The following BCAS3 variants were observed in gnomAD, a reference collection of about 807,000 sequenced individuals.
The protein encoded by BCAS3 is BCAS3 microtubule associated cell migration factor.
Under a neutral mutation model 116.1 loss-of-function variants are expected in BCAS3, and 53 were observed. The observed-to-expected ratio is 0.46, with a 90% CI of 0.37 to 0.57. The LOEUF is 0.57. Among genes scored for constraint, BCAS3 ranks in the 20% least tolerant of loss-of-function variants. The pLI is 0.00. For missense variants in BCAS3, 917 were observed against 1,165.4 expected (o/e 0.79, Z 3.10); for synonymous variants, 391 against 408.2 (o/e 0.96, Z 0.51).
Position 61,203,026 on chromosome 17 carries a change from TGAA to T in BCAS3, c.2425+118467_2425+118469del, listed in dbSNP as rs1244943091. 1.3e-5 allele frequency among the ~76,000 whole-genome samples: 2 copies of T among 152,212 alleles called. No homozygotes were observed. The highest frequency in any genetic ancestry group is 2.4e-5 in the African/African-American group (1 of 41,452). On this transcript the variant is annotated intron_variant, in intron 22 of 23. Coordinates refer to ENST00000407086, the MANE Select transcript of BCAS3 (RefSeq NM_017679.5). The surrounding 1 kb of genome is among the most constrained non-coding windows in gnomAD (Gnocchi z 5.7). Reference sequence around the variant, plus strand: ...CTAATATTAAATTTTGTGTGGTTGCTGAAGAAGTTTACTGTGCACTAGCTCTCT... The same window carrying T: ...CTAATATTAAATTTTGTGTGGTTGCTGAAGTTTACTGTGCACTAGCTCTCT...
At position 60,859,383 on chromosome 17, in the gene BCAS3, C is replaced by CATGTGA. The variant is rs1286995029; in HGVS notation, c.477-9193_477-9192insATGTGA. Among the ~76,000 whole-genome samples, 3 of 151,972 alleles carry CATGTGA rather than the reference C, an allele frequency of 2.0e-5. No individual in the cohort carries two copies. The South Asian group carries it at 6.2e-4, about 32-fold the overall frequency. ...CAAGTAGGCCCCGGTGTCTGTTGTC[C>CATGTGA]CCTTCCTTGTGTCCATGTGAATTCA... On this transcript the variant is annotated intron_variant, in intron 7 of 23. Transcript: ENST00000407086.
intron 1 of BCAS3, among the ~76,000 whole-genome samples, chr17:60,678,995 G>A (rs2032514942): frequency 1.3e-5 from 2 of 152,126 alleles, no homozygotes; most frequent in Admixed American, 6.6e-5. Flanking sequence ...AGGCTAAGGC[G>A]GATGGATTGC....
chr17:60,802,347 TAC>T (rs954921009), intron 6 of BCAS3, among the ~76,000 whole-genome samples: 1 of 135,936 alleles, frequency 7.4e-6, no homozygotes, highest in African/African-American at 3.3e-5. Context: ...TAAATACAAA[TAC>T]ACACACATAC....
intron 22 of BCAS3, among the ~76,000 whole-genome samples, chr17:61,275,518 C>G (rs889368522): frequency 4.6e-5 from 7 of 151,584 alleles, no homozygotes; most frequent in African/African-American, 1.7e-4. Flanking sequence ...ATGTGCATTT[C>G]TCAGCCAGGA....
intron 19 of BCAS3, among the ~76,000 whole-genome samples, chr17:61,059,272 T>C (rs554005570): frequency 8.2e-4 from 124 of 151,646 alleles, no homozygotes; most frequent in Non-Finnish European, 1.6e-3. Flanking sequence ...TTAGTAGAGA[T>C]GGGGTTTCAC....
chr17:61,039,151 C>T (rs1424414693), intron 18 of BCAS3, among the ~76,000 whole-genome samples: 1 of 152,170 alleles, frequency 6.6e-6, no homozygotes, highest in Non-Finnish European at 1.5e-5. Context: ...CTTTCTTTCT[C>T]TATGGATTTT....
intron 4 of BCAS3, chr17:60,696,348 G>C (rs1299755876): frequency 3.9e-5 from 6 of 152,392 alleles, no homozygotes; most frequent in Non-Finnish European, 2.9e-5. Context: ...AGTCCCAGCT[G>C]CTCAGGAGGC....
In BCAS3 at chr17:61,309,310, G is replaced by A. The variant is rs1282863209; in HGVS notation, c.2426-59017G>A. 6.6e-6 allele frequency among the ~76,000 whole-genome samples: 1 copy of A among 152,132 alleles called. No homozygotes were observed. The highest frequency in any genetic ancestry group is 1.5e-5 in the Non-Finnish European group (1 of 68,014). On this transcript the variant is annotated intron_variant, in intron 22 of 23. Coordinates refer to ENST00000407086, the MANE Select transcript of BCAS3 (RefSeq NM_017679.5). The surrounding 1 kb of genome is among the most constrained non-coding windows in gnomAD (Gnocchi z 4.6). ...TTTCGTCCTCCCCATTCATTCTAGG[G>A]TAATAAGGGCTGGTGGAGAGGCGGT... is the stretch of plus-strand genomic sequence containing the variant.
At chr17:61,110,956 G>A (rs1228373082) in intron 22 of BCAS3, among the ~76,000 whole-genome samples, 1 of 152,142 alleles carries the variant, frequency 6.6e-6, no homozygotes, top group Non-Finnish European at 1.5e-5. Flanking sequence ...TAACTGGGAG[G>A]CACCCCCCAG....
At chr17:61,288,273 A>T (rs2052029925) in intron 22 of BCAS3, among the ~76,000 whole-genome samples, 1 of 152,180 alleles carries the variant, frequency 6.6e-6, no homozygotes, top group South Asian at 2.1e-4. Flanking sequence ...TGTGACCTTG[A>T]CTTGTCATCT....
At chr17:60,763,287 A>G (rs1598532973) in intron 6 of BCAS3, among the ~76,000 whole-genome samples, 1 of 152,130 alleles carries the variant, frequency 6.6e-6, no homozygotes, top group East Asian at 1.9e-4. Flanking sequence ...TTTCAAAGGG[A>G]ATGCTTCCAG....
rs994086693 is a variant in BCAS3 at position 61,377,192 on chromosome 17, G to A, written c.2593+8698G>A. On this transcript the variant is annotated intron_variant, in intron 23 of 23. Coordinates refer to ENST00000407086, the MANE Select transcript of BCAS3 (RefSeq NM_017679.5). The surrounding 1 kb of genome is among the most constrained non-coding windows in gnomAD (Gnocchi z 4.6). ...AAGCTGGAACTCCCCAGTGCCTAAT[G>A]CCCTGATTGCTGAGGGTGAGAGAAG... is the stretch of plus-strand genomic sequence containing the variant. Among the ~76,000 whole-genome samples the A allele has an allele frequency of 6.6e-6, 1 of 152,184 alleles. No homozygotes were observed. The highest frequency in any genetic ancestry group is 1.5e-5 in the Non-Finnish European group (1 of 68,036).
intron 5 of BCAS3, among the ~76,000 whole-genome samples, chr17:60,746,212 T>C (rs1035956708): frequency 4.6e-5 from 7 of 152,242 alleles, no homozygotes; most frequent in South Asian, 2.1e-4. Flanking sequence ...ATGAAAATGG[T>C]TTAAGAACTA....
chr17:61,338,013 C>CA (rs545155362), intron 22 of BCAS3, among the ~76,000 whole-genome samples: 71 of 152,270 alleles, frequency 4.7e-4, no homozygotes, highest in African/African-American at 1.6e-3. Context: ...GTGAGCAACT[C>CA]AAAGTTAGGT....
intron 7 of BCAS3, among the ~76,000 whole-genome samples, chr17:60,831,991 G>A (rs569334269): frequency 2.7e-4 from 41 of 152,214 alleles, no homozygotes; most frequent in Admixed American, 8.5e-4. Flanking sequence ...TAAAATGTAC[G>A]TTTATGATGA....
intron 22 of BCAS3, among the ~76,000 whole-genome samples, chr17:61,212,922 T>C (rs8080798): frequency 0.019 from 2,944 of 152,330 alleles, 99 homozygotes; most frequent in African/African-American, 0.066. Flanking sequence ...TCCCAAGTCC[T>C]TCCTTTCAAA....
chr17:61,000,996 G>A (rs2064199811), intron 15 of BCAS3, among the ~76,000 whole-genome samples: 2 of 152,108 alleles, frequency 1.3e-5, no homozygotes, highest in South Asian at 4.1e-4. Flanking sequence ...GACTTAGAAG[G>A]AATTTGTTTT....
intron 22 of BCAS3, among the ~76,000 whole-genome samples, chr17:61,236,113 G>C (rs574431115): frequency 1.1e-4 from 17 of 152,188 alleles, no homozygotes; most frequent in Middle Eastern, 3.4e-3. Flanking sequence ...ATCTCCGCAG[G>C]ACTCAGTTTA....
intron 5 of BCAS3, among the ~76,000 whole-genome samples, chr17:60,717,504 C>G (rs1324473808): frequency 6.6e-6 from 1 of 152,098 alleles, no homozygotes; most frequent in Non-Finnish European, 1.5e-5. Context: ...GCGTGAGCCA[C>G]CATGCCCGGC....
Sources: allele counts gnomAD v4.1 joint callset (sites outside exome capture counted in the v4.1 genomes callset), GRCh38; gene constraint gnomAD v4.1.1; non-coding constraint Gnocchi (gnomAD v3.1); transcripts MANE v1.5; gene names NCBI Gene and HGNC (gene_info 2026-07-23, HGNC 2026-07-21).